FARS2: variants seen among roughly 807,000 people sequenced by gnomAD.
The protein encoded by FARS2 is phenylalanine--tRNA ligase, mitochondrial.
In FARS2, 40 loss-of-function variants were observed where a neutral mutation model predicts 46.4. The observed-to-expected ratio is 0.86, with a 90% CI of 0.67 to 1.12. FARS2 has a LOEUF of 1.12. FARS2 is among the 50% of genes most tolerant of loss of function. The probability of loss-of-function intolerance (pLI) is 0.00; values close to 1 mark genes in which losing one functional copy is unlikely to be tolerated. For missense variants in FARS2, 513 were observed against 567.9 expected, an observed-to-expected ratio of 0.90 and a Z score of 0.98; for synonymous variants, 234 against 214.9, an observed-to-expected ratio of 1.09 and a Z score of -0.78.
At chr6:5,363,667 A>G (rs950898768) in intron 1 of FARS2, among the ~76,000 whole-genome samples, 4 of 152,126 alleles carry the variant, frequency 2.6e-5, no homozygotes, top group South Asian at 2.1e-4. Flanking sequence ...AACATTGCAC[A>G]TTGAGTGGTA....
chr6:5,627,499 G>A lies in FARS2; in HGVS notation c.1217+14179G>A, dbSNP rs182511230. ...AATTCATTCAATATGCTAATTTCTC[G>A]TAGCAGATTGCCTGTCCGGCAATGC... On this transcript the variant is annotated intron_variant, in intron 6 of 6. Coordinates refer to ENST00000274680, the MANE Select transcript of FARS2 (RefSeq NM_006567.5). 2.4e-4 allele frequency among the ~76,000 whole-genome samples: 36 copies of A among 152,310 alleles called. 1 individual carries two copies. The East Asian group carries it at 3.5e-3, about 15-fold the overall frequency.
chr6:5,260,291 C>G (rs565541442), upstream of FARS2, among the ~76,000 whole-genome samples: 1 of 152,362 alleles, frequency 6.6e-6, no homozygotes, highest in Admixed American at 6.5e-5. Context: ...GGAAGTTTTA[C>G]ATATGCAACA....
intron 5 of FARS2, among the ~76,000 whole-genome samples, chr6:5,571,434 C>T (rs745369884): frequency 2.6e-5 from 4 of 152,208 alleles, no homozygotes; most frequent in Non-Finnish European, 5.9e-5. Context: ...GCCTCACCAA[C>T]GCACGTGGAG....
intron 4 of FARS2, among the ~76,000 whole-genome samples, chr6:5,438,382 T>TA (rs1238866291): frequency 1.2e-4 from 18 of 150,200 alleles, no homozygotes; most frequent in South Asian, 2.1e-4. Flanking sequence ...TTTTTTTTTT[T>TA]AATCTTTGTC....
intron 4 of FARS2, among the ~76,000 whole-genome samples, chr6:5,445,613 G>A (rs1764138175): frequency 6.6e-6 from 1 of 152,174 alleles, no homozygotes; most frequent in South Asian, 2.1e-4. Flanking sequence ...ATAAAGACTT[G>A]ATAGTCACCT....
intron 6 of FARS2, among the ~76,000 whole-genome samples, chr6:5,720,123 C>G (rs556545955): frequency 1.3e-5 from 2 of 152,178 alleles, no homozygotes; most frequent in South Asian, 4.1e-4. Flanking sequence ...AAAAACAACA[C>G]TGCTGCAATA....
chr6:5,670,121 C>T (rs927631350), intron 6 of FARS2, among the ~76,000 whole-genome samples: 1 of 152,166 alleles, frequency 6.6e-6, no homozygotes, highest in Non-Finnish European at 1.5e-5. Flanking sequence ...TAGAAGTTAA[C>T]AGCAGTGTGT....
chr6:5,710,373 T>G (rs1295607079), intron 6 of FARS2, among the ~76,000 whole-genome samples: 3 of 152,172 alleles, frequency 2.0e-5, no homozygotes, highest in Non-Finnish European at 4.4e-5. Flanking sequence ...TGGAGTCAAT[T>G]AGAAGTTCTA....
At chr6:5,433,609 C>T (rs1046575446) in intron 4 of FARS2, among the ~76,000 whole-genome samples, 26 of 152,178 alleles carry the variant, frequency 1.7e-4, no homozygotes, top group African/African-American at 6.3e-4. Flanking sequence ...GTATGTGCAT[C>T]TCAACAGAAA....
At chr6:5,266,077 A>G (rs1395550290) in intron 1 of FARS2, among the ~76,000 whole-genome samples, 1 of 152,124 alleles carries the variant, frequency 6.6e-6, no homozygotes, top group Non-Finnish European at 1.5e-5. Flanking sequence ...AAGGAATTGA[A>G]GGATTTAAAT....
chr6:5,465,527 C>T (rs750848556), intron 4 of FARS2, among the ~76,000 whole-genome samples: 7 of 152,152 alleles, frequency 4.6e-5, no homozygotes, highest in Non-Finnish European at 8.8e-5. Context: ...TATCTCCAAT[C>T]GATTTTCTGT....
At chr6:5,324,797 A>G (rs1251976183) in intron 1 of FARS2, among the ~76,000 whole-genome samples, 1 of 152,126 alleles carries the variant, frequency 6.6e-6, no homozygotes, top group East Asian at 1.9e-4. Context: ...CCTTCTAGGA[A>G]GAAGTGCCCC....
intron 1 of FARS2, among the ~76,000 whole-genome samples, chr6:5,289,406 A>G (rs906725227): frequency 3.3e-5 from 5 of 152,222 alleles, no homozygotes; most frequent in Admixed American, 6.5e-5. Context: ...TTGAAAGTAC[A>G]TGCCACAGAA....
intron 4 of FARS2, among the ~76,000 whole-genome samples, chr6:5,460,471 G>A (rs1198857904): frequency 6.6e-6 from 1 of 152,188 alleles, no homozygotes; most frequent in Non-Finnish European, 1.5e-5. Flanking sequence ...TTATTGGAAG[G>A]GCTGGAGGAG....
At chr6:5,431,437 G>C (rs1482897845) in intron 4 of FARS2, among the ~76,000 whole-genome samples, 2 of 152,128 alleles carry the variant, frequency 1.3e-5, no homozygotes, top group South Asian at 2.1e-4. Context: ...TTGTGATTTC[G>C]TATTTGTTGA....
At chr6:5,466,605 T>A (rs1765529958) in intron 4 of FARS2, 1 of 985,338 alleles carries the variant, frequency 1.0e-6, no homozygotes, top group African/African-American at 1.7e-5. Flanking sequence ...GACTTCATAA[T>A]GGTCCTGATG....
intron 2 of FARS2, among the ~76,000 whole-genome samples, chr6:5,388,208 A>T (rs536116581): frequency 2.0e-5 from 3 of 152,268 alleles, no homozygotes; most frequent in East Asian, 3.9e-4. Context: ...TGTCTTTGGG[A>T]TTATCTTATC....
At chr6:5,408,226 G>A (rs1761727830) in intron 3 of FARS2, among the ~76,000 whole-genome samples, 1 of 152,190 alleles carries the variant, frequency 6.6e-6, no homozygotes, top group African/African-American at 2.4e-5. Context: ...GAGCACACAG[G>A]CAAGGCGCCT....
chr6:5,593,170 C>T (rs746302405), intron 5 of FARS2, among the ~76,000 whole-genome samples: 3 of 152,142 alleles, frequency 2.0e-5, no homozygotes, highest in Admixed American at 2.0e-4. Flanking sequence ...GTGGACAGAA[C>T]AGACAGGATC....
Sources: gnomAD v4.1 joint callset for allele counts (sites outside exome capture counted in the v4.1 genomes callset) on GRCh38, gnomAD v4.1.1 for gene constraint, MANE v1.5 for transcripts, NCBI Gene and HGNC (gene_info 2026-07-23, HGNC 2026-07-21) for gene names.